Variants in EFHB observed in about 807,000 individuals in gnomAD.
The protein encoded by EFHB is EF-hand domain-containing family member B.
Under a neutral mutation model 87.2 loss-of-function variants are expected in EFHB, and 91 were observed. The observed-to-expected ratio is 1.04, with a 90% CI of 0.88 to 1.24. The LOEUF (loss-of-function observed/expected upper bound fraction) is 1.24. EFHB is among the 50% of genes most tolerant of loss of function. The pLI is 0.00. For missense variants in EFHB, 1,084 were observed against 998.8 expected (o/e 1.09, Z -1.15); for synonymous variants, 325 against 333.6 (o/e 0.97, Z 0.28).
intron 4 of EFHB, among the ~76,000 whole-genome samples, chr3:19,916,021 G>A (rs1559464451): frequency 6.6e-6 from 1 of 152,048 alleles, no homozygotes; most frequent in Admixed American, 6.5e-5. Flanking sequence ...GTTGTGGTAA[G>A]CCATACTCCA....
intron 10 of EFHB, 95 bp from the exon 11 acceptor site, chr3:19,884,710 T>C (rs918974135): frequency 4.9e-6 from 6 of 1,214,390 alleles, no homozygotes; most frequent in African/African-American, 3.0e-5. Context: ...ATCTAGTCTC[T>C]TCTTGCTAAT....
chr3:19,892,096 A>G (rs956827096), intron 9 of EFHB, among the ~76,000 whole-genome samples: 8 of 152,130 alleles, frequency 5.3e-5, no homozygotes, highest in African/African-American at 1.9e-4. Context: ...GTCCAATCAT[A>G]TGGGTCTAGT....
At chr3:19,907,329 A>C (rs549873287) in intron 5 of EFHB, among the ~76,000 whole-genome samples, 1 of 152,328 alleles carries the variant, frequency 6.6e-6, no homozygotes, top group Admixed American at 6.5e-5. Context: ...GAAAATATGT[A>C]GCTCAATTCT....
intron 1 of EFHB, among the ~76,000 whole-genome samples, chr3:19,939,585 C>A (rs1351487258): frequency 6.6e-6 from 1 of 151,710 alleles, no homozygotes; most frequent in Non-Finnish European, 1.5e-5. Flanking sequence ...GGGGTTTCAC[C>A]GTGTTAGCCA....
chr3:19,906,759 T>C (rs1694856390), intron 5 of EFHB, among the ~76,000 whole-genome samples: 1 of 151,614 alleles, frequency 6.6e-6, no homozygotes, highest in Non-Finnish European at 1.5e-5. Flanking sequence ...GCCAAAGTAA[T>C]TATTAGGAAA....
chr3:19,901,350 C>A (rs896943253), intron 6 of EFHB, among the ~76,000 whole-genome samples: 1 of 152,194 alleles, frequency 6.6e-6, no homozygotes, highest in African/African-American at 2.4e-5. Context: ...TACAACACTA[C>A]TATTTAATAA....
rs781163239 is a variant in EFHB at position 19,933,512 on chromosome 3, C to T, written c.507G>A (p.Gln169=). 2.5e-6 allele frequency: 4 copies of T among 1,613,834 alleles called. No individual in the cohort carries two copies. Among genetic ancestry groups the T allele is most frequent in the Non-Finnish European group, 3.4e-6 (4 of 1,179,874 alleles). ...CACAGGTAGACTCTTTTTCCATTTC[C>T]TGTCTTGGTTCCATAACGAAAGCAG... is the stretch of plus-strand genomic sequence containing the variant. ...GKPAFVMEPR[Q]EMEKESTCVL... is the part of the protein sequence containing the mutation. The change falls in exon 1 of 13, where the codon CAG becomes CAA. Residue 169 remains glutamine, a synonymous_variant. Transcript: ENST00000295824.
At chr3:19,925,305 G>T (rs1221027074) in intron 1 of EFHB, among the ~76,000 whole-genome samples, 1 of 151,190 alleles carries the variant, frequency 6.6e-6, no homozygotes, top group Non-Finnish European at 1.5e-5. Flanking sequence ...CCGCACACTT[G>T]CATGTATATT....
At chr3:19,908,588 GA>G (rs1694930961) in intron 5 of EFHB, among the ~76,000 whole-genome samples, 8 of 121,702 alleles carry the variant, frequency 6.6e-5, no homozygotes, top group Non-Finnish European at 9.8e-5. Flanking sequence ...GAGAGAGAGA[GA>G]GAGAGAGAGA....
rs76398910 is a variant in EFHB, at chr3:19,882,566, G to A, written c.2312C>T (p.Thr771Ile). Residue 771 changes from threonine to isoleucine, a missense_variant, in exon 12 of 13, where the codon ACC becomes ATC. By Grantham distance (89) the Thr-to-Ile change is moderately conservative. Coordinates refer to ENST00000295824, the MANE Select transcript of EFHB (RefSeq NM_144715.4). ...KGVFERDFFK[T>I]RSKEEIAEIL... ...ATGCTATACCTCTTCTTTTGATCTGGTCTTGAAGAAGTCTCTTTCAAACAC... is the reference window on the plus strand; with the variant it reads ...ATGCTATACCTCTTCTTTTGATCTGATCTTGAAGAAGTCTCTTTCAAACAC... 75,999 of 1,604,930 alleles carry A rather than the reference G, an allele frequency of 0.047. 2,155 individuals carry two copies. Among genetic ancestry groups the A allele is most frequent in the South Asian group, 0.077 (6,872 of 89,408 alleles).
chr3:19,908,604 GAAAGAAAGAAAGAA>G (rs1559459833), intron 5 of EFHB, among the ~76,000 whole-genome samples: 76 of 125,498 alleles, frequency 6.1e-4, no homozygotes, highest in African/African-American at 2.4e-3. Context: ...GAGAGAGAAA[GAAAGAAAGAAAGAA>G]AGAAAGAAAG....
chr3:19,946,253 AC>A (rs757332567), intron 1 of EFHB: 2 of 152,346 alleles, frequency 1.3e-5, no homozygotes, highest in East Asian at 3.9e-4. Context: ...CAAATTCTTT[AC>A]CTATAAAACA....
At chr3:19,938,596 A>G (rs138390372), upstream of EFHB, among the ~76,000 whole-genome samples, 3 of 152,342 alleles carry the variant, frequency 2.0e-5, no homozygotes, top group East Asian at 5.8e-4. Flanking sequence ...TAGGAAAAAA[A>G]TAAGAGATGT....
upstream of EFHB, among the ~76,000 whole-genome samples, chr3:19,936,852 G>C (rs1332671161): frequency 1.4e-5 from 2 of 141,818 alleles, no homozygotes; most frequent in Admixed American, 7.1e-5. Context: ...TGGATGACAA[G>C]AGCCAAACTC....
At chr3:19,910,936 A>G (rs1695043104) in intron 5 of EFHB, among the ~76,000 whole-genome samples, 2 of 152,246 alleles carry the variant, frequency 1.3e-5, no homozygotes, top group Non-Finnish European at 2.9e-5. Context: ...ATCACAACAC[A>G]CAAGTCCTTT....
intron 9 of EFHB, among the ~76,000 whole-genome samples, chr3:19,893,733 C>T (rs554711760): frequency 1.3e-5 from 2 of 152,172 alleles, no homozygotes; most frequent in South Asian, 4.1e-4. Flanking sequence ...CCACATTGAA[C>T]ACCTTTGGGT....
At chr3:19,909,559 G>A (rs989822199) in intron 5 of EFHB, among the ~76,000 whole-genome samples, 1 of 152,138 alleles carries the variant, frequency 6.6e-6, no homozygotes, top group African/African-American at 2.4e-5. Flanking sequence ...TGGGGGTGGG[G>A]TAGGTGGTGG....
chr3:19,894,533 TTTG>T (rs1694408518), intron 9 of EFHB: 1 of 152,184 alleles, frequency 6.6e-6, no homozygotes, highest in Admixed American at 6.5e-5. Flanking sequence ...GTGTTTGTGT[TTTG>T]TTTTTCCATT....
At chr3:19,931,547 G>T (rs978769618) in intron 1 of EFHB, among the ~76,000 whole-genome samples, 1 of 152,156 alleles carries the variant, frequency 6.6e-6, no homozygotes, top group African/African-American at 2.4e-5. Flanking sequence ...GAGTCTGAAG[G>T]GGAAAAGTCT....
Sources: allele counts gnomAD v4.1 joint callset (sites outside exome capture counted in the v4.1 genomes callset), GRCh38; gene constraint gnomAD v4.1.1; transcripts MANE v1.5; gene names NCBI Gene and HGNC (gene_info 2026-07-23, HGNC 2026-07-21).